Variants in XKR4 observed in about 807,000 individuals in gnomAD.
The protein encoded by XKR4 is XK related 4.
Under a neutral mutation model 53.9 loss-of-function variants are expected in XKR4, and 12 were observed. The observed-to-expected ratio is 0.22, with a 90% CI of 0.14 to 0.36. The LOEUF is 0.36. XKR4 is among the 10% of genes least tolerant of loss of function. XKR4 has a pLI of 1.00. For missense variants in XKR4, 799 were observed against 859.5 expected (o/e 0.93, Z 0.88); for synonymous variants, 354 against 362.4 (o/e 0.98, Z 0.26).
intron 1 of XKR4, among the ~76,000 whole-genome samples, chr8:55,348,731 G>A (rs1291634007): frequency 6.7e-6 from 1 of 149,240 alleles, no homozygotes; most frequent in East Asian, 1.9e-4. Context: ...CAGAGAGAGA[G>A]ATGATAGATA....
intron 1 of XKR4, among the ~76,000 whole-genome samples, chr8:55,220,835 A>T (rs960430248): frequency 6.6e-6 from 1 of 152,268 alleles, no homozygotes; most frequent in African/African-American, 2.4e-5. Flanking sequence ...ATCTTTAATC[A>T]TAATCTTTTA....
At chr8:55,112,971 C>T (rs1417098846) in intron 1 of XKR4, among the ~76,000 whole-genome samples, 1 of 152,014 alleles carries the variant, frequency 6.6e-6, no homozygotes, top group East Asian at 1.9e-4. Context: ...GTAAGAGTGG[C>T]AGTCACAAAT....
chr8:55,540,928 A>G lies in XKR4; in HGVS notation c.*16701A>G, dbSNP rs934338078. The G allele has an allele frequency of 1.8e-4, 28 of 152,338 alleles. No individual in the cohort carries two copies. Among genetic ancestry groups the G allele is most frequent in the African/African-American group, 6.7e-4 (28 of 41,588 alleles). 9.4% of individuals were successfully genotyped at this position (152,338 alleles called of 1,614,324 possible). ...TAACATCCTACCAAGCAGATTGGAA[A>G]CAAATACTACTACCACTAATATTCT... On this transcript the variant is annotated 3_prime_UTR_variant, in exon 3 of 3. Coordinates refer to ENST00000327381, the MANE Select transcript of XKR4 (RefSeq NM_052898.2).
Position 55,424,711 on chromosome 8 carries a change from A to T in XKR4, c.1006+66834A>T, listed in dbSNP as rs1414600574. Among the ~76,000 whole-genome samples, 6 of 152,322 alleles carry T rather than the reference A, an allele frequency of 3.9e-5. No homozygotes were observed. In the South Asian group the frequency reaches 1.2e-3, roughly 32 times the overall value. On this transcript the variant is annotated intron_variant, in intron 2 of 2. Transcript: ENST00000327381. Reference sequence around the variant, plus strand: ...TGGGGAAGCTTTGACTCTTCTATTCACTGCCAAATTCCTTGAACCTGGCAC... The same window carrying T: ...TGGGGAAGCTTTGACTCTTCTATTCTCTGCCAAATTCCTTGAACCTGGCAC...
intron 2 of XKR4, among the ~76,000 whole-genome samples, chr8:55,427,114 A>T (rs1259244718): frequency 1.2e-4 from 18 of 152,210 alleles, no homozygotes; most frequent in Admixed American, 1.2e-3. Context: ...CATTATATAA[A>T]CATGTATTGG....
In XKR4 at chr8:55,102,569, C is replaced by T. The variant is rs1189413865; in HGVS notation, c.81C>T (p.His27=). 6.4e-7 allele frequency: 1 copy of T among 1,552,282 alleles called. No individual in the cohort carries two copies. The highest frequency in any genetic ancestry group is 8.7e-7 in the Non-Finnish European group (1 of 1,147,284). The part of the protein sequence containing the change: ...VAFTPLQNSD[H]SGSVQGLAPG... The stretch of plus-strand genomic sequence containing the variant: ...TCACCCCGCTGCAGAACTCGGACCA[C>T]TCGGGCTCGGTGCAGGGATTGGCTC... The change falls in exon 1 of 3, where the codon CAC becomes CAT. Residue 27 remains histidine, a synonymous_variant. Coordinates refer to ENST00000327381, the MANE Select transcript of XKR4 (RefSeq NM_052898.2). The surrounding 1 kb of genome is among the most constrained non-coding windows in gnomAD (Gnocchi z 5.1).
Position 55,392,438 on chromosome 8 carries a change from A to G in XKR4, c.1006+34561A>G, listed in dbSNP as rs141808775. On this transcript the variant is annotated intron_variant, in intron 2 of 2. Transcript: ENST00000327381. ...ACAATGTTTTTTAAAAAGACAATTA[A>G]TTAATTGACTGGAACACATTAAATA... 7.2e-3 allele frequency among the ~76,000 whole-genome samples: 1,090 copies of G among 152,362 alleles called. 10 individuals are homozygous for G. Among genetic ancestry groups the G allele is most frequent in the Non-Finnish European group, 0.011 (716 of 68,032 alleles).
At chr8:55,297,654 C>A (rs922996292) in intron 1 of XKR4, among the ~76,000 whole-genome samples, 1 of 152,104 alleles carries the variant, frequency 6.6e-6, no homozygotes, top group Non-Finnish European at 1.5e-5. Context: ...CTTTTTAACA[C>A]ATAAGTTTTT....
chr8:55,321,899 G>C (rs1803221894), intron 1 of XKR4, among the ~76,000 whole-genome samples: 1 of 152,204 alleles, frequency 6.6e-6, no homozygotes, highest in South Asian at 2.1e-4. Flanking sequence ...TGAGGCAGGA[G>C]AATCTCTCGA....
chr8:55,336,041 C>CAAAAAAAAAAAAAAAAA (rs34885296), intron 1 of XKR4, among the ~76,000 whole-genome samples: 3 of 113,702 alleles, frequency 2.6e-5, no homozygotes, highest in Non-Finnish European at 3.6e-5. Flanking sequence ...AACTCTATAC[C>CAAAAAAAAAAAAAAAAA]AAAAAAAAAA....
chr8:55,394,860 T>C (rs921819268), intron 2 of XKR4, among the ~76,000 whole-genome samples: 5 of 152,230 alleles, frequency 3.3e-5, no homozygotes, highest in Admixed American at 6.5e-5. Flanking sequence ...TTTAATCAAC[T>C]TCATGAAATT....
intron 2 of XKR4, among the ~76,000 whole-genome samples, chr8:55,495,914 G>T (rs1380972502): frequency 6.6e-6 from 1 of 152,226 alleles, no homozygotes; most frequent in Admixed American, 6.5e-5. Context: ...TTTACCAAAT[G>T]TATATATTCA....
intron 1 of XKR4, among the ~76,000 whole-genome samples, chr8:55,205,477 C>A (rs1157926264): frequency 1.3e-5 from 2 of 152,068 alleles, no homozygotes; most frequent in Admixed American, 6.5e-5. Flanking sequence ...AGGATGACAA[C>A]AAACCGGAAA....
At chr8:55,271,351 C>A (rs192942703) in intron 1 of XKR4, among the ~76,000 whole-genome samples, 156 of 152,194 alleles carry the variant, frequency 1.0e-3, no homozygotes, top group Non-Finnish European at 1.8e-3. Flanking sequence ...ATAAATTTGA[C>A]CCTAGGGGAA....
At chr8:55,285,845 C>T (rs889089936) in intron 1 of XKR4, among the ~76,000 whole-genome samples, 5 of 152,180 alleles carry the variant, frequency 3.3e-5, no homozygotes, top group Admixed American at 3.3e-4. Flanking sequence ...TATACCCCTC[C>T]CCCAAAACAG....
At chr8:55,441,973 G>T (rs141379156) in intron 2 of XKR4, among the ~76,000 whole-genome samples, 1 of 151,110 alleles carries the variant, frequency 6.6e-6, no homozygotes, top group Non-Finnish European at 1.5e-5. Flanking sequence ...TAAGCCCAAA[G>T]AAAATAGAAA....
chr8:55,210,131 C>A (rs1436233783), intron 1 of XKR4, among the ~76,000 whole-genome samples: 1 of 150,100 alleles, frequency 6.7e-6, no homozygotes, highest in East Asian at 2.0e-4. Context: ...GTTGCCCAGG[C>A]TGAAGTGCAG....
At chr8:55,320,141 A>C (rs1362584576) in intron 1 of XKR4, among the ~76,000 whole-genome samples, 1 of 152,220 alleles carries the variant, frequency 6.6e-6, no homozygotes, top group Non-Finnish European at 1.5e-5. Flanking sequence ...GGCAGGCTAG[A>C]AAGCCTTACT....
intron 2 of XKR4, among the ~76,000 whole-genome samples, chr8:55,430,133 A>T (rs1805080635): frequency 1.3e-5 from 2 of 152,218 alleles, no homozygotes; most frequent in African/African-American, 4.8e-5. Context: ...AAAAATAGAG[A>T]TAACATCAAA....
Sources: gnomAD v4.1 joint callset for allele counts (sites outside exome capture counted in the v4.1 genomes callset) on GRCh38, gnomAD v4.1.1 for gene constraint, Gnocchi (gnomAD v3.1) non-coding constraint, MANE v1.5 for transcripts, NCBI Gene and HGNC (gene_info 2026-07-23, HGNC 2026-07-21) for gene names.